Variants in CD58 observed in about 807,000 individuals in gnomAD.
CD58 encodes the protein CD58 molecule.
A neutral mutation model predicts 27.6 loss-of-function variants in CD58; 14 were observed. The observed-to-expected ratio is 0.51, with a 90% CI of 0.34 to 0.79. CD58 has a LOEUF of 0.79. Ranked by LOEUF, CD58 falls within the 30% of genes least tolerant of loss-of-function variation. The pLI is 0.02. For synonymous variants in CD58, 117 were observed against 103.8 expected (o/e 1.13, Z -0.77); for missense variants, 268 against 301.7 (o/e 0.89, Z 0.83).
rs528319826 is a variant in CD58 at position 116,549,040 on chromosome 1, G to A, written c.71-4436C>T. The stretch of plus-strand genomic sequence containing the variant: ...CACACATTGTCTGACTCCTTGGTCA[G>A]TGCCCTTTCAGAACAGCGTGGTCCC... On this transcript the variant is annotated intron_variant, in intron 1 of 5. Coordinates refer to ENST00000369489, the MANE Select transcript of CD58 (RefSeq NM_001779.3). 1.6e-4 allele frequency among the ~76,000 whole-genome samples: 25 copies of A among 152,310 alleles called. No homozygotes were observed. In the South Asian group the frequency reaches 1.9e-3, roughly 11 times the overall value.
At chr1:116,567,054 C>T (rs979183351) in intron 1 of CD58, among the ~76,000 whole-genome samples, 10 of 151,072 alleles carry the variant, frequency 6.6e-5, no homozygotes, top group Admixed American at 6.6e-4. Flanking sequence ...GTGGGAGGAT[C>T]GCTTGAGTCT....
At chr1:116,556,255 GAA>G (rs1158092746) in intron 1 of CD58, among the ~76,000 whole-genome samples, 875 of 29,724 alleles carry the variant, frequency 0.029, 3 homozygotes, top group African/African-American at 0.082. Context: ...CTCCATCTCA[GAA>G]AAAAAAAAAA....
rs957128208 is a variant in CD58, at chr1:116,570,624, C to CG, written c.70+278dup. On this transcript the variant is annotated intron_variant, in intron 1 of 5. Coordinates refer to ENST00000369489, the MANE Select transcript of CD58 (RefSeq NM_001779.3). The surrounding 1 kb of genome is among the most constrained non-coding windows in gnomAD (Gnocchi z 6.4). ...TCACTGGAGCTCGGGAGGGGGCCGG[C>CG]GGGGGGGCGCAGGCCCCGCAGGAGA... Among the ~76,000 whole-genome samples, 461 of 151,844 alleles carry CG rather than the reference C, an allele frequency of 3.0e-3. 3 individuals carry two copies. Among genetic ancestry groups the CG allele is most frequent in the African/African-American group, 0.01 (433 of 41,422 alleles).
Position 116,559,846 on chromosome 1 carries a change from C to T in CD58, c.70+11057G>A, listed in dbSNP as rs1324853728. Among the ~76,000 whole-genome samples the T allele has an allele frequency of 2.0e-5, 3 of 152,138 alleles. No individual in the cohort carries two copies. The highest frequency in any genetic ancestry group is 7.2e-5 in the African/African-American group (3 of 41,430). On this transcript the variant is annotated intron_variant, in intron 1 of 5. Coordinates refer to ENST00000369489, the MANE Select transcript of CD58 (RefSeq NM_001779.3). The surrounding 1 kb of genome is among the most constrained non-coding windows in gnomAD (Gnocchi z 4.4). Reference sequence around the variant, plus strand: ...CTATTTCTTCTTTCTCAAGATGTTTCCCTTTAGACCTATGCAATCCATCAA... The same window carrying T: ...CTATTTCTTCTTTCTCAAGATGTTTTCCTTTAGACCTATGCAATCCATCAA...
At position 116,516,946 on chromosome 1, in the gene CD58, C is replaced by A. The variant is rs1470902385; in HGVS notation, c.744-2124G>T. On this transcript the variant is annotated intron_variant, in intron 5 of 5. Coordinates refer to ENST00000369489, the MANE Select transcript of CD58 (RefSeq NM_001779.3). This position sits in a 1 kb window ranked among gnomAD's most constrained non-coding sequence, Gnocchi z 6.1. ...TAGCCTCGCTGGGTACTCTGACCCC[C>A]ACCCTATCAGCTAGCACAGTGCCTG... 6.6e-6 allele frequency among the ~76,000 whole-genome samples: 1 copy of A among 152,176 alleles called. No homozygotes were observed. The highest frequency in any genetic ancestry group is 2.1e-4 in the South Asian group (1 of 4,834).
At chr1:116,542,701 T>C (rs768614020) in intron 2 of CD58, among the ~76,000 whole-genome samples, 12 of 152,094 alleles carry the variant, frequency 7.9e-5, no homozygotes, top group Non-Finnish European at 1.5e-4. Flanking sequence ...ACTAGGGTGA[T>C]ATTCCCGAGG....
rs1658343754 is a variant in CD58 at position 116,550,152 on chromosome 1, C to T, written c.71-5548G>A. 6.6e-6 allele frequency among the ~76,000 whole-genome samples: 1 copy of T among 152,174 alleles called. No homozygotes were observed. Among genetic ancestry groups the T allele is most frequent in the Non-Finnish European group, 1.5e-5 (1 of 68,038 alleles). Reference sequence around the variant, plus strand: ...TCAGGGTGTTGGTTGCTAAAGGCTGCAATGGCTGTGGCAATTTCTTAAAAG... The same window carrying T: ...TCAGGGTGTTGGTTGCTAAAGGCTGTAATGGCTGTGGCAATTTCTTAAAAG... On this transcript the variant is annotated intron_variant, in intron 1 of 5. Transcript: ENST00000369489. The surrounding 1 kb of genome is among the most constrained non-coding windows in gnomAD (Gnocchi z 4.2).
chr1:116,559,647 G>A lies in CD58; in HGVS notation c.70+11256C>T, dbSNP rs539146782. Among the ~76,000 whole-genome samples the A allele has an allele frequency of 2.0e-5, 3 of 152,110 alleles. No individual in the cohort carries two copies. The highest frequency in any genetic ancestry group is 1.3e-4 in the Admixed American group (2 of 15,290). On this transcript the variant is annotated intron_variant, in intron 1 of 5. Transcript: ENST00000369489. This position sits in a 1 kb window ranked among gnomAD's most constrained non-coding sequence, Gnocchi z 4.4. ...TGTCTCCCAACGGTTACAAACCCTC[G>A]GTCCCCAAGGCCAGAGCAAGGTTCC...
At position 116,531,405 on chromosome 1, in the gene CD58, C is replaced by T. The variant is rs189683602; in HGVS notation, c.628+4560G>A. 2.3e-3 allele frequency among the ~76,000 whole-genome samples: 344 copies of T among 152,308 alleles called. 1 individual carries two copies. The highest frequency in any genetic ancestry group is 7.9e-3 in the African/African-American group (327 of 41,560). On this transcript the variant is annotated intron_variant, in intron 3 of 5. Coordinates refer to ENST00000369489, the MANE Select transcript of CD58 (RefSeq NM_001779.3). This position sits in a 1 kb window ranked among gnomAD's most constrained non-coding sequence, Gnocchi z 4.5. ...GTCTATATGTGGTCATCTTCTTCCC[C>T]CTTGTCAGTTAGATGCAGCACACAT...
rs2101162385 is a variant in CD58, at chr1:116,527,109, A to G, written c.629-5126T>C. ...GTTTGGATTGTATACATAGATATTC[A>G]TGTCATCTGAGAACTAAAACAATTT... On this transcript the variant is annotated intron_variant, in intron 3 of 5. Coordinates refer to ENST00000369489, the MANE Select transcript of CD58 (RefSeq NM_001779.3). The surrounding 1 kb of genome is among the most constrained non-coding windows in gnomAD (Gnocchi z 4.4). 6.6e-6 allele frequency among the ~76,000 whole-genome samples: 1 copy of G among 152,370 alleles called. No individual in the cohort carries two copies. The highest frequency in any genetic ancestry group is 1.5e-5 in the Non-Finnish European group (1 of 68,018).
At position 116,531,569 on chromosome 1, in the gene CD58, G is replaced by T. The variant is rs951071733; in HGVS notation, c.628+4396C>A. The stretch of plus-strand genomic sequence containing the variant: ...ACACTCAAAAGGTGGAATTAATAAA[G>T]GAATGTTTGCTCCAAGCTTAACTAT... On this transcript the variant is annotated intron_variant, in intron 3 of 5. Transcript: ENST00000369489. This position sits in a 1 kb window ranked among gnomAD's most constrained non-coding sequence, Gnocchi z 4.5. Among the ~76,000 whole-genome samples the T allele has an allele frequency of 6.6e-6, 1 of 152,102 alleles. No homozygotes were observed. The highest frequency in any genetic ancestry group is 2.4e-5 in the African/African-American group (1 of 41,416).
chr1:116,567,634 T>C (rs1658983109), intron 1 of CD58, among the ~76,000 whole-genome samples: 1 of 152,048 alleles, frequency 6.6e-6, no homozygotes, highest in Non-Finnish European at 1.5e-5. Flanking sequence ...TGAGACCCTG[T>C]CTCAAAAAAT....
intron 5 of CD58, 80 bp from the exon 6 acceptor site, chr1:116,514,902 A>G (rs1657027479): frequency 7.2e-6 from 7 of 974,308 alleles, no homozygotes; most frequent in Middle Eastern, 2.1e-4. Flanking sequence ...TTACCCTCCT[A>G]TTCTAAAGTG....
Position 116,546,514 on chromosome 1 carries a change from G to A in CD58, c.71-1910C>T, listed in dbSNP as rs558491437. Reference sequence around the variant, plus strand: ...GCACAAGAAAAAGTACAGAATTCAAGGGGTGAGAGTCTACCACACACAATA... The same window carrying A: ...GCACAAGAAAAAGTACAGAATTCAAAGGGTGAGAGTCTACCACACACAATA... On this transcript the variant is annotated intron_variant, in intron 1 of 5. Transcript: ENST00000369489. This position sits in a 1 kb window ranked among gnomAD's most constrained non-coding sequence, Gnocchi z 4.1. Among the ~76,000 whole-genome samples, 1 of 152,328 alleles carries A rather than the reference G, an allele frequency of 6.6e-6. No individual in the cohort carries two copies. Among genetic ancestry groups the A allele is most frequent in the African/African-American group, 2.4e-5 (1 of 41,588 alleles).
intron 3 of CD58, among the ~76,000 whole-genome samples, chr1:116,530,081 G>T (rs765253301): frequency 2.0e-5 from 3 of 152,110 alleles, no homozygotes; most frequent in African/African-American, 7.2e-5. Context: ...ATTTTGAAAC[G>T]TATAGAGAGT....
intron 3 of CD58, chr1:116,533,369 T>C (rs1391762468): frequency 1.0e-6 from 1 of 975,282 alleles, no homozygotes; most frequent in South Asian, 1.3e-5. Flanking sequence ...TCTCAGGACC[T>C]GCAAATGAAA....
chr1:116,554,505 G>A (rs1658501774), intron 1 of CD58, among the ~76,000 whole-genome samples: 1 of 152,010 alleles, frequency 6.6e-6, no homozygotes, highest in South Asian at 2.1e-4. Context: ...GGGCAATGTA[G>A]TGAGACCCTG....
chr1:116,542,190 T>C (rs1658009753), intron 2 of CD58, among the ~76,000 whole-genome samples: 1 of 152,120 alleles, frequency 6.6e-6, no homozygotes, highest in African/African-American at 2.4e-5. Context: ...AGGCAGAAGA[T>C]TCACTTGAAC....
chr1:116,541,113 AT>A lies in CD58; in HGVS notation c.364+3197del, dbSNP rs1657976472. On this transcript the variant is annotated intron_variant, in intron 2 of 5. Coordinates refer to ENST00000369489, the MANE Select transcript of CD58 (RefSeq NM_001779.3). The surrounding 1 kb of genome is among the most constrained non-coding windows in gnomAD (Gnocchi z 5.3). ...CTTGAGCCACAATGCCCGGCCTAGA[AT>A]ATTTTAAATTATTTTAAAACAGTTC... Among the ~76,000 whole-genome samples the A allele has an allele frequency of 6.6e-6, 1 of 152,328 alleles. No homozygotes were observed. Among genetic ancestry groups the A allele is most frequent in the African/African-American group, 2.4e-5 (1 of 41,584 alleles).
Sources: gnomAD v4.1 joint callset for allele counts (sites outside exome capture counted in the v4.1 genomes callset) on GRCh38, gnomAD v4.1.1 for gene constraint, Gnocchi (gnomAD v3.1) non-coding constraint, MANE v1.5 for transcripts, NCBI Gene and HGNC (gene_info 2026-07-23, HGNC 2026-07-21) for gene names.